The following ARHGEF37 variants were observed in gnomAD, a reference collection of about 807,000 sequenced individuals.
ARHGEF37 encodes Rho guanine nucleotide exchange factor (GEF) 37.
ARHGEF37 carries 55 observed loss-of-function variants against 71.1 expected under a neutral mutation model. That is an observed-to-expected ratio of 0.77 (90% confidence interval 0.62 to 0.97). ARHGEF37 has a LOEUF of 0.97. ARHGEF37 is among the 50% of genes least tolerant of loss of function. The pLI, the probability that ARHGEF37 is intolerant of heterozygous loss-of-function variation, is 0.00. For synonymous variants in ARHGEF37, 327 were observed against 350.6 expected, an observed-to-expected ratio of 0.93 and a Z score of 0.75; for missense variants, 765 against 836.8, an observed-to-expected ratio of 0.91 and a Z score of 1.06.
rs765052843 is a variant in ARHGEF37 at position 149,628,843 on chromosome 5, G to C, written c.1695G>C (p.Gln565His). Residue 565 changes from glutamine (Q) to histidine (H), a missense_variant, in exon 12 of 13, where the codon CAG becomes CAC. Coordinates refer to ENST00000333677, the MANE Select transcript of ARHGEF37 (RefSeq NM_001001669.3). ...GGTATGTGCCGGCTGGGAAACTACA[G>C]CTGTACCATGTGGTCCCCAGTGCAG... Reference protein sequence around the residue: ...HRGYVPAGKLQLYHVVPSAEE... With the variant: ...HRGYVPAGKLHLYHVVPSAEE... 9 of 1,613,712 alleles carry C rather than the reference G, an allele frequency of 5.6e-6. No homozygotes were observed. Among genetic ancestry groups the C allele is most frequent in the Non-Finnish European group, 7.6e-6 (9 of 1,179,954 alleles).
chr5:149,554,219 C>CT, intron 1 of ARHGEF37, among the ~76,000 whole-genome samples: 1 of 152,270 alleles, frequency 6.6e-6, no homozygotes. Context: ...AATCCCAACA[C>CT]TTTGGGAGGC....
intron 4 of ARHGEF37, among the ~76,000 whole-genome samples, chr5:149,614,779 T>C (rs1752328106): frequency 6.6e-6 from 1 of 152,202 alleles, no homozygotes; most frequent in South Asian, 2.1e-4. Flanking sequence ...CCACCTGCTC[T>C]GCCTATTCTT....
intron 1 of ARHGEF37, among the ~76,000 whole-genome samples, chr5:149,592,678 G>A (rs1763444338): frequency 6.6e-6 from 1 of 152,218 alleles, no homozygotes; most frequent in South Asian, 2.1e-4. Flanking sequence ...TACACAGAAA[G>A]TGTATGTTTT....
chr5:149,599,560 G>T (rs1330832788), intron 2 of ARHGEF37, among the ~76,000 whole-genome samples: 2 of 152,012 alleles, frequency 1.3e-5, no homozygotes, highest in African/African-American at 4.8e-5. Flanking sequence ...GATTAGCTAG[G>T]ATTACAAGCA....
Position 149,620,478 on chromosome 5 carries a change from T to A in ARHGEF37, c.1005+14T>A. The A allele has an allele frequency of 6.4e-7, 1 of 1,561,402 alleles. No individual in the cohort carries two copies. Among genetic ancestry groups the A allele is most frequent in the Non-Finnish European group, 8.8e-7 (1 of 1,138,970 alleles). The stretch of plus-strand genomic sequence containing the variant: ...TTCCTGAAATTTGTGAGTGGAACCT[T>A]TCCTTTCTCCTTTCTTTGTTAGGCA... On this transcript the variant is annotated intron_variant, in intron 8 of 12. Coordinates refer to ENST00000333677, the MANE Select transcript of ARHGEF37 (RefSeq NM_001001669.3).
intron 1 of ARHGEF37, among the ~76,000 whole-genome samples, chr5:149,589,039 C>T (rs942826135): frequency 2.6e-5 from 4 of 151,920 alleles, no homozygotes; most frequent in Admixed American, 1.3e-4. Flanking sequence ...AGACCAGCCT[C>T]GGAAACAAGT....
chr5:149,592,762 GTTTGTTTTTGTT>G (rs780108678), intron 1 of ARHGEF37, among the ~76,000 whole-genome samples: 121 of 152,012 alleles, frequency 8.0e-4, no homozygotes, highest in Non-Finnish European at 1.4e-3. Context: ...TTTTTGGTTT[GTTTGTTTTTGTT>G]TTTGTTTTTG....
At chr5:149,561,992 G>C (rs1420845608) in intron 1 of ARHGEF37, among the ~76,000 whole-genome samples, 1 of 152,130 alleles carries the variant, frequency 6.6e-6, no homozygotes, top group Non-Finnish European at 1.5e-5. Context: ...ACTCTTCTTT[G>C]TGAGACTAAA....
At chr5:149,558,255 C>G (rs1042673749) in intron 1 of ARHGEF37, among the ~76,000 whole-genome samples, 1 of 152,140 alleles carries the variant, frequency 6.6e-6, no homozygotes, top group Non-Finnish European at 1.5e-5. Flanking sequence ...GCCATGCAAT[C>G]CCAGCACTTT....
chr5:149,630,070 CT>C (rs1359247643), intron 12 of ARHGEF37, among the ~76,000 whole-genome samples: 1 of 151,980 alleles, frequency 6.6e-6, no homozygotes, highest in Non-Finnish European at 1.5e-5. Context: ...TGTGAAGTTT[CT>C]TTTTGGGGGT....
intron 10 of ARHGEF37, among the ~76,000 whole-genome samples, chr5:149,625,264 A>C (rs10476743): frequency 0.72 from 109,464 of 152,134 alleles, 39,726 homozygotes; most frequent in Middle Eastern, 0.87. Context: ...TATCTGTTCT[A>C]GTCACTTGTA....
intron 1 of ARHGEF37, among the ~76,000 whole-genome samples, chr5:149,575,165 G>A (rs1580886042): frequency 6.6e-6 from 1 of 152,280 alleles, no homozygotes; most frequent in East Asian, 1.9e-4. Flanking sequence ...CACTTATAAT[G>A]AAGTTCCTGC....
chr5:149,628,903 C>G lies in ARHGEF37; in HGVS notation c.1755C>G (p.Asp585Glu), dbSNP rs749557680. Residue 585 changes from aspartate to glutamate, a missense_variant, in exon 12 of 13, where the codon GAC becomes GAG. Coordinates refer to ENST00000333677, the MANE Select transcript of ARHGEF37 (RefSeq NM_001001669.3). ...GAAGGCAGGCGGGGCTGAACAAAGA[C>G]CCCCGATGTCTAACACCGGAGCCCA... ...ELRRQAGLNK[D>E]PRCLTPEPSP... is the part of the protein sequence containing the mutation. 2 of 1,613,566 alleles carry G rather than the reference C, an allele frequency of 1.2e-6. No individual in the cohort carries two copies. Among genetic ancestry groups the G allele is most frequent in the South Asian group, 2.2e-5 (2 of 91,046 alleles).
At chr5:149,617,621 G>T (rs1453405860) in intron 5 of ARHGEF37, among the ~76,000 whole-genome samples, 1 of 152,156 alleles carries the variant, frequency 6.6e-6, no homozygotes, top group Non-Finnish European at 1.5e-5. Context: ...TGCATCACTT[G>T]CTTCCTGTCG....
At chr5:149,618,096 G>A in intron 5 of ARHGEF37, 80 bp from the exon 6 acceptor site, 1 of 1,578,996 alleles carries the variant, frequency 6.3e-7, no homozygotes, top group Non-Finnish European at 8.6e-7. Context: ...CCAAGCAGGT[G>A]CCCAGCCGGG....
intron 1 of ARHGEF37, among the ~76,000 whole-genome samples, chr5:149,588,227 T>TTTGC (rs1554120969): frequency 0.27 from 40,568 of 151,338 alleles, 6,065 homozygotes; most frequent in African/African-American, 0.4. Context: ...TGTTTGTTTG[T>TTTGC]TTGCTTTGAG....
upstream of ARHGEF37, among the ~76,000 whole-genome samples, chr5:149,576,882 G>A (rs1456392148): frequency 2.0e-5 from 3 of 152,116 alleles, no homozygotes; most frequent in African/African-American, 7.2e-5. Flanking sequence ...CTTGAACCTG[G>A]GAGGCAGAGG....
Position 149,621,855 on chromosome 5 carries a change from G to C in ARHGEF37, c.1128G>C (p.Glu376Asp). 3 of 1,614,268 alleles carry C rather than the reference G, an allele frequency of 1.9e-6. No individual in the cohort carries two copies. The highest frequency in any genetic ancestry group is 1.7e-6 in the Non-Finnish European group (2 of 1,180,054). ...DKLLDFERVE[E>D]KLLEVGSVTY... ...TACTGGACTTTGAGCGGGTGGAAGA[G>C]AAGCTGCTGGAGGTGGGCAGTGTGA... The change falls in exon 9 of 13, where the codon GAG becomes GAC. Residue 376 changes from glutamate to aspartate, a missense_variant. Transcript: ENST00000333677.
upstream of ARHGEF37, among the ~76,000 whole-genome samples, chr5:149,577,429 C>T (rs565243467): frequency 2.6e-5 from 4 of 152,220 alleles, no homozygotes; most frequent in East Asian, 1.9e-4. Flanking sequence ...CATAGCATTG[C>T]GCGTATTGTG....
Sources: allele counts gnomAD v4.1 joint callset (sites outside exome capture counted in the v4.1 genomes callset), GRCh38; gene constraint gnomAD v4.1.1; transcripts MANE v1.5; gene names NCBI Gene and HGNC (gene_info 2026-07-23, HGNC 2026-07-21).